The following MYO16 variants were observed in gnomAD, a reference collection of about 807,000 sequenced individuals.
The protein encoded by MYO16 is unconventional myosin-XVI.
In MYO16, 94 loss-of-function variants were observed where a neutral mutation model predicts 205.3. The ratio of observed to expected loss-of-function variants is 0.46; its 90% CI spans 0.39 to 0.54. The LOEUF (loss-of-function observed/expected upper bound fraction) is 0.54, where lower values mean the gene tolerates loss of function less well. Among genes scored for constraint, MYO16 ranks in the 20% least tolerant of loss-of-function variants. The probability of loss-of-function intolerance (pLI) is 0.00; values close to 1 mark genes in which losing one functional copy is unlikely to be tolerated. For synonymous variants in MYO16, 988 were observed against 954.0 expected, an observed-to-expected ratio of 1.04 and a Z score of -0.66; for missense variants, 2,315 against 2,387.5, an observed-to-expected ratio of 0.97 and a Z score of 0.63.
chr13:108,588,784 T>A, the MYO16 span, among the ~76,000 whole-genome samples: 1 of 152,136 alleles, frequency 6.6e-6, no homozygotes. Flanking sequence ...TTCCTCAGGT[T>A]GCATGATTGC....
At chr13:108,669,720 A>G (rs1262853967) in intron 2 of MYO16, among the ~76,000 whole-genome samples, 1 of 152,150 alleles carries the variant, frequency 6.6e-6, no homozygotes, top group Non-Finnish European at 1.5e-5. Context: ...TGGTACATAT[A>G]CACCATGGAA....
At chr13:108,667,648 T>C (rs1040271644) in intron 2 of MYO16, among the ~76,000 whole-genome samples, 2 of 152,158 alleles carry the variant, frequency 1.3e-5, no homozygotes, top group African/African-American at 4.8e-5. Flanking sequence ...GAGAGTAAAG[T>C]GATTGGTTCT....
At chr13:108,753,268 G>T (rs1292352191) in intron 4 of MYO16, among the ~76,000 whole-genome samples, 4 of 151,066 alleles carry the variant, frequency 2.6e-5, no homozygotes, top group African/African-American at 4.9e-5. Flanking sequence ...GACTTGGGAG[G>T]CTGAGGCAGG....
At position 108,756,794 on chromosome 13, in the gene MYO16, C is replaced by G. The variant is rs547429050; in HGVS notation, c.508-28841C>G. Among the ~76,000 whole-genome samples, 23 of 152,210 alleles carry G rather than the reference C, an allele frequency of 1.5e-4. 1 individual carries two copies. In the South Asian group the frequency reaches 1.9e-3, roughly 12 times the overall value. ...CCAGAATTACTCTCATAGACACAACCAGAAACAATGTTTTACCAACTCTCT... is the reference window on the plus strand; with the variant it reads ...CCAGAATTACTCTCATAGACACAACGAGAAACAATGTTTTACCAACTCTCT... On this transcript the variant is annotated intron_variant, in intron 4 of 34. Coordinates refer to ENST00000457511, the MANE Select transcript of MYO16 (RefSeq NM_001198950.3).
At chr13:108,802,089 G>A (rs769625899) in intron 6 of MYO16, among the ~76,000 whole-genome samples, 3 of 152,052 alleles carry the variant, frequency 2.0e-5, no homozygotes, top group Non-Finnish European at 4.4e-5. Flanking sequence ...TACCATTTTT[G>A]TGTTGAGACA....
At chr13:109,026,447 A>G (rs947437402) in intron 23 of MYO16, among the ~76,000 whole-genome samples, 6 of 152,068 alleles carry the variant, frequency 3.9e-5, no homozygotes, top group African/African-American at 1.4e-4. Flanking sequence ...GGAAGGATCC[A>G]CCCGTTGAGC....
chr13:108,785,249 C>T (rs1886422136), intron 4 of MYO16, among the ~76,000 whole-genome samples: 2 of 152,064 alleles, frequency 1.3e-5, no homozygotes, highest in Admixed American at 6.5e-5. Flanking sequence ...TCAGCTTGCT[C>T]CTTGAAGAGT....
intron 9 of MYO16, among the ~76,000 whole-genome samples, chr13:108,834,247 A>G (rs1036809661): frequency 4.6e-5 from 7 of 152,124 alleles, no homozygotes; most frequent in African/African-American, 1.7e-4. Flanking sequence ...AGGGACTTTC[A>G]TCAAGGTGAT....
intron 3 of MYO16, among the ~76,000 whole-genome samples, chr13:108,724,684 G>A (rs1021047674): frequency 1.3e-5 from 2 of 151,986 alleles, no homozygotes; most frequent in Non-Finnish European, 2.9e-5. Flanking sequence ...GTATTTTTAG[G>A]ATACATATTT....
At chr13:108,644,807 A>C (rs1880680103) in intron 1 of MYO16, among the ~76,000 whole-genome samples, 1 of 152,236 alleles carries the variant, frequency 6.6e-6, no homozygotes. Flanking sequence ...ACCCATGAAC[A>C]GGCCAGAAGA....
intron 33 of MYO16, among the ~76,000 whole-genome samples, chr13:109,168,188 A>G (rs1878769215): frequency 6.6e-6 from 1 of 152,146 alleles, no homozygotes; most frequent in Non-Finnish European, 1.5e-5. Context: ...GTTCTGAGAC[A>G]GTAGATATGA....
intron 10 of MYO16, 92 bp from the exon 11 acceptor site, chr13:108,855,351 G>A (rs1170477246): frequency 9.6e-6 from 5 of 523,314 alleles, no homozygotes; most frequent in East Asian, 8.1e-5. Flanking sequence ...GTCTTCAAAT[G>A]TTTGACAGGT....
intron 34 of MYO16, among the ~76,000 whole-genome samples, chr13:109,187,387 T>C (rs1879730064): frequency 6.6e-6 from 1 of 152,176 alleles, no homozygotes; most frequent in Non-Finnish European, 1.5e-5. Context: ...CCTGTTGTTT[T>C]TTATTTTCTT....
intron 2 of MYO16, among the ~76,000 whole-genome samples, chr13:108,679,269 C>T (rs1052021368): frequency 6.6e-5 from 10 of 152,218 alleles, no homozygotes; most frequent in African/African-American, 2.4e-4. Context: ...TACTGACCTA[C>T]ATCAACCCAA....
intron 27 of MYO16, chr13:109,065,533 A>T: frequency 2.2e-6 from 1 of 452,330 alleles, no homozygotes; most frequent in Non-Finnish European, 4.3e-6. Flanking sequence ...GCTGAAAAAA[A>T]AAAAAAGAAA....
the MYO16 span, among the ~76,000 whole-genome samples, chr13:108,563,562 G>T: frequency 6.6e-6 from 1 of 152,036 alleles, no homozygotes; most frequent in Non-Finnish European, 1.5e-5. Flanking sequence ...TTGATTTTTA[G>T]ATTCCACAAA....
intron 2 of MYO16, among the ~76,000 whole-genome samples, chr13:108,683,859 C>T (rs1256510877): frequency 6.6e-6 from 1 of 152,158 alleles, no homozygotes; most frequent in Non-Finnish European, 1.5e-5. Flanking sequence ...TCTGGCGATT[C>T]TGAAGGAGTA....
At chr13:108,891,114 C>A (rs892264531) in intron 14 of MYO16, among the ~76,000 whole-genome samples, 3 of 152,216 alleles carry the variant, frequency 2.0e-5, no homozygotes, top group African/African-American at 7.2e-5. Context: ...AGAAACATTT[C>A]ATTACCCCCA....
chr13:108,947,407 C>G (rs1882979602), intron 16 of MYO16, among the ~76,000 whole-genome samples: 1 of 152,168 alleles, frequency 6.6e-6, no homozygotes, highest in Non-Finnish European at 1.5e-5. Context: ...AAAGTTCTGC[C>G]CACCTCTCCC....
Sources: allele counts gnomAD v4.1 joint callset (sites outside exome capture counted in the v4.1 genomes callset), GRCh38; gene constraint gnomAD v4.1.1; transcripts MANE v1.5; gene names NCBI Gene and HGNC (gene_info 2026-07-23, HGNC 2026-07-21).